The following RIPOR3 variants were observed in gnomAD, a reference collection of about 807,000 sequenced individuals.
The protein encoded by RIPOR3 is RIPOR family member 3.
In RIPOR3, 95 loss-of-function variants were observed where a neutral mutation model predicts 114.3. The observed-to-expected ratio is 0.83, with a 90% CI of 0.70 to 0.99. The LOEUF is 0.99. Among genes scored for constraint, RIPOR3 ranks in the 50% least tolerant of loss-of-function variants. The probability of loss-of-function intolerance (pLI) is 0.00; values close to 1 mark genes in which losing one functional copy is unlikely to be tolerated. For synonymous variants in RIPOR3, 575 were observed against 543.8 expected (o/e 1.06, Z -0.80); for missense variants, 1,252 against 1,266.9 (o/e 0.99, Z 0.18).
chr20:50,683,691 A>C (rs924231288), intron 1 of RIPOR3, among the ~76,000 whole-genome samples: 2 of 151,878 alleles, frequency 1.3e-5, no homozygotes, highest in Non-Finnish European at 2.9e-5. Flanking sequence ...TCCTGACTGC[A>C]GGTGATCCAC....
At chr20:50,653,162 C>T (rs1220645623) in intron 1 of RIPOR3, 1 of 152,166 alleles carries the variant, frequency 6.6e-6, no homozygotes, top group Non-Finnish European at 1.5e-5. Context: ...TGCTGTGAGA[C>T]AGATGAACCT....
At chr20:50,683,135 G>A (rs2086912179) in intron 1 of RIPOR3, among the ~76,000 whole-genome samples, 1 of 152,182 alleles carries the variant, frequency 6.6e-6, no homozygotes, top group African/African-American at 2.4e-5. Flanking sequence ...CCGCTGAATT[G>A]TACCCTTAAA....
intron 12 of RIPOR3, among the ~76,000 whole-genome samples, chr20:50,603,892 C>T (rs1042216813): frequency 1.3e-5 from 2 of 152,164 alleles, no homozygotes; most frequent in Non-Finnish European, 2.9e-5. Context: ...AAATTGAAGT[C>T]CAGAGAGGGC....
chr20:50,625,218 G>A (rs2084574707), intron 2 of RIPOR3, among the ~76,000 whole-genome samples: 1 of 152,156 alleles, frequency 6.6e-6, no homozygotes, highest in African/African-American at 2.4e-5. Flanking sequence ...CCACAGGAGT[G>A]CACAATTACA....
chr20:50,665,718 C>T lies in RIPOR3; in HGVS notation c.3+25408G>A, dbSNP rs375483345. On this transcript the variant is annotated intron_variant, in intron 1 of 21. Transcript: ENST00000327979. ...TACAGGCATGAGCCACTGTGCCTGC[C>T]GGGTGGGTTTCTTATGGCGAATGAT... 7.5e-4 allele frequency among the ~76,000 whole-genome samples: 114 copies of T among 152,208 alleles called. 6 individuals carry two copies. The East Asian group carries it at 0.012, about 16-fold the overall frequency.
intron 13 of RIPOR3, among the ~76,000 whole-genome samples, chr20:50,599,061 T>C (rs111966389): frequency 0.01 from 1,573 of 152,270 alleles, 27 homozygotes; most frequent in African/African-American, 0.035. Context: ...AATGCAGAAC[T>C]TTGTATGTGT....
rs112937900 is a variant in RIPOR3 at position 50,663,489 on chromosome 20, A to G, written c.3+27637T>C. 2.5e-3 allele frequency among the ~76,000 whole-genome samples: 379 copies of G among 152,310 alleles called. 1 individual carries two copies. The highest frequency in any genetic ancestry group is 6.8e-3 in the Middle Eastern group (2 of 294). ...CATAGGGAATAACTCTACCTGCTTCACAGGACTATTCTGTGAATACTAATT... is the reference window on the plus strand; with the variant it reads ...CATAGGGAATAACTCTACCTGCTTCGCAGGACTATTCTGTGAATACTAATT... On this transcript the variant is annotated intron_variant, in intron 1 of 21. Transcript: ENST00000327979.
intron 1 of RIPOR3, among the ~76,000 whole-genome samples, chr20:50,656,146 T>C (rs2085804003): frequency 6.6e-6 from 1 of 152,252 alleles, no homozygotes; most frequent in East Asian, 1.9e-4. Flanking sequence ...CAGCTGGGAC[T>C]ACAGGCCCGC....
intron 1 of RIPOR3, among the ~76,000 whole-genome samples, chr20:50,658,063 C>G (rs2085876130): frequency 6.6e-6 from 1 of 152,064 alleles, no homozygotes; most frequent in Non-Finnish European, 1.5e-5. Context: ...CCATACCCAG[C>G]CTCCATAAAA....
intron 14 of RIPOR3, 83 bp from the exon 15 acceptor site, chr20:50,596,346 G>T: frequency 6.3e-7 from 1 of 1,583,700 alleles, no homozygotes. Context: ...CCTTCCCAGC[G>T]AGCCCCAGGT....
chr20:50,667,169 AT>A (rs1248723674), intron 1 of RIPOR3, among the ~76,000 whole-genome samples: 3 of 152,030 alleles, frequency 2.0e-5, no homozygotes, highest in Non-Finnish European at 4.4e-5. Context: ...CAAAGTTAAA[AT>A]TCCCCTCCAG....
At chr20:50,607,440 C>G (rs2083764224) in intron 11 of RIPOR3, among the ~76,000 whole-genome samples, 1 of 152,156 alleles carries the variant, frequency 6.6e-6, no homozygotes, top group Admixed American at 6.5e-5. Flanking sequence ...AAGAAACTTG[C>G]TTATAATTAT....
Position 50,596,137 on chromosome 20 carries a change from C to T in RIPOR3, c.1914+3G>A, listed in dbSNP as rs1295116557. 1.2e-6 allele frequency: 2 copies of T among 1,614,178 alleles called. No individual in the cohort carries two copies. Among genetic ancestry groups the T allele is most frequent in the East Asian group, 2.2e-5 (1 of 44,886 alleles). On this transcript the variant is annotated splice_donor_region_variant and intron_variant, in intron 15 of 21. Transcript: ENST00000327979. Reference sequence around the variant, plus strand: ...TCCCTGACAAGTCCCCTAGCCCAGCCACCTGCAGCAGAGCTTTGCAGACTT... The same window carrying T: ...TCCCTGACAAGTCCCCTAGCCCAGCTACCTGCAGCAGAGCTTTGCAGACTT...
chr20:50,665,410 G>GC (rs1449971238), intron 1 of RIPOR3, among the ~76,000 whole-genome samples: 10 of 136,358 alleles, frequency 7.3e-5, no homozygotes, highest in African/African-American at 2.4e-4. Flanking sequence ...TTGGCTCAGA[G>GC]CCCCCTCTTC....
intron 1 of RIPOR3, among the ~76,000 whole-genome samples, chr20:50,661,819 G>A (rs1013508225): frequency 1.3e-5 from 2 of 152,200 alleles, no homozygotes; most frequent in African/African-American, 2.4e-5. Flanking sequence ...GGGGTCCCGC[G>A]CAGGACAGCT....
intron 12 of RIPOR3, among the ~76,000 whole-genome samples, chr20:50,603,799 T>C (rs1332374717): frequency 2.6e-5 from 4 of 152,192 alleles, no homozygotes; most frequent in Non-Finnish European, 5.9e-5. Flanking sequence ...GAACCAATGA[T>C]AATGGTTGAT....
At chr20:50,678,581 A>G (rs2086752314) in intron 1 of RIPOR3, among the ~76,000 whole-genome samples, 1 of 152,230 alleles carries the variant, frequency 6.6e-6, no homozygotes, top group East Asian at 1.9e-4. Flanking sequence ...TATTCAATGC[A>G]GTGCTATTCG....
chr20:50,630,743 C>T lies in RIPOR3; in HGVS notation c.117G>A (p.Arg39=), dbSNP rs1205668171. The part of the protein sequence containing the change: ...FAGFSSAQSR[R]IAKSINRNSV... ...AGGACACGGGGGGAACTTACGCGAT[C>T]CTCCGGCTCTGTGCACTGCTGAAGC... Residue 39 remains arginine, a synonymous_variant, in exon 2 of 22, where the codon AGG becomes AGA. Coordinates refer to ENST00000327979, the MANE Select transcript of RIPOR3 (RefSeq NM_001290268.2). 3 of 1,607,742 alleles carry T rather than the reference C, an allele frequency of 1.9e-6. No homozygotes were observed. Among genetic ancestry groups the T allele is most frequent in the African/African-American group, 2.7e-5 (2 of 74,920 alleles).
chr20:50,691,304 A>C lies in RIPOR3; in HGVS notation c.-176T>G, dbSNP rs1047966824. 1 of 795,486 alleles carries C rather than the reference A, an allele frequency of 1.3e-6. No homozygotes were observed. Among genetic ancestry groups the C allele is most frequent in the Non-Finnish European group, 1.8e-6 (1 of 561,160 alleles). 49.3% of individuals were successfully genotyped at this position (795,486 alleles called of 1,614,324 possible). ...CAGCCGCTGGTCCCGCTCTCTGGGA[A>C]GATCGCCTTGAGGACCTGCTGCGCC... On this transcript the variant is annotated 5_prime_UTR_variant, in exon 1 of 22. Coordinates refer to ENST00000327979, the MANE Select transcript of RIPOR3 (RefSeq NM_001290268.2).
Sources: allele counts gnomAD v4.1 joint callset (sites outside exome capture counted in the v4.1 genomes callset), GRCh38; gene constraint gnomAD v4.1.1; transcripts MANE v1.5; gene names NCBI Gene and HGNC (gene_info 2026-07-23, HGNC 2026-07-21).